The following SEMA4A variants were observed in gnomAD, a reference collection of about 807,000 sequenced individuals.
SEMA4A encodes the protein semaphorin 4A.
In SEMA4A, 52 loss-of-function variants were observed where a neutral mutation model predicts 72.5. The observed-to-expected ratio is 0.72, with a 90% CI of 0.57 to 0.90. The LOEUF is 0.90. Ranked by LOEUF, SEMA4A falls within the 40% of genes least tolerant of loss-of-function variation. The probability of loss-of-function intolerance (pLI) is 0.00; values close to 1 mark genes in which losing one functional copy is unlikely to be tolerated. For synonymous variants in SEMA4A, 369 were observed against 393.1 expected (o/e 0.94, Z 0.73); for missense variants, 926 against 959.7 (o/e 0.96, Z 0.46).
chr1:156,164,810 AT>A (rs1654007887), intron 10 of SEMA4A, among the ~76,000 whole-genome samples: 1 of 150,304 alleles, frequency 6.7e-6, no homozygotes. Context: ...TTTTATTTTT[AT>A]TTTTTTTGAA....
chr1:156,169,268 C>A (rs2102988575), intron 10 of SEMA4A, among the ~76,000 whole-genome samples: 1 of 151,364 alleles, frequency 6.6e-6, no homozygotes, highest in South Asian at 2.1e-4. Context: ...TGAGAAGATT[C>A]TTCTCTCTCT....
At chr1:156,161,143 A>C in intron 8 of SEMA4A, 114 bp downstream of exon 8, 1 of 906,250 alleles carries the variant, frequency 1.1e-6, no homozygotes, top group Non-Finnish European at 1.6e-6. Context: ...GGCGGGGAAC[A>C]AGCGGGCCTG....
rs151260330 is a variant in SEMA4A at position 156,172,906 on chromosome 1, G to A, written c.1215G>A (p.Thr405=). ...HFLMDEQVVG[T]PLLVKSGVEY... ...TGATGGATGAGCAAGTGGTGGGGAC[G>A]CCCCTGCTGGTGAAATCTGGCGTGG... The change falls in exon 11 of 15, where the codon ACG becomes ACA. Residue 405 remains threonine (T), a synonymous_variant. Transcript: ENST00000368285. 48 of 1,614,116 alleles carry A rather than the reference G, an allele frequency of 3.0e-5. No individual in the cohort carries two copies. In the South Asian group the frequency reaches 3.5e-4, roughly 12 times the overall value.
At chr1:156,158,646 C>A in intron 5 of SEMA4A, 73 bp from the exon 6 acceptor site, 1 of 1,390,036 alleles carries the variant, frequency 7.2e-7, no homozygotes, top group Non-Finnish European at 1.0e-6. Context: ...CCTTTCCCTT[C>A]CTTCCTCAAG....
chr1:156,172,096 GTTTATTTATTTA>G (rs71591932), intron 10 of SEMA4A, among the ~76,000 whole-genome samples: 66 of 71,864 alleles, frequency 9.2e-4, no homozygotes, highest in Middle Eastern at 6.7e-3. Context: ...TTGTTTGTTT[GTTTATTTATTTA>G]TTTATTTATT....
intron 9 of SEMA4A, among the ~76,000 whole-genome samples, 172 bp from the exon 10 acceptor site, chr1:156,162,772 A>C (rs911292918): frequency 6.6e-6 from 1 of 152,244 alleles, no homozygotes; most frequent in Non-Finnish European, 1.5e-5. Flanking sequence ...AGGGAATTCC[A>C]TGGGGCTCCC....
rs761114677 is a variant in SEMA4A at position 156,177,519 on chromosome 1, A to T, written c.*522A>T. On this transcript the variant is annotated 3_prime_UTR_variant, in exon 15 of 15. Coordinates refer to ENST00000368285, the MANE Select transcript of SEMA4A (RefSeq NM_022367.4). ...TTCCCTTACCAGTCGTGCACCGCTG[A>T]CTCCCAGGAAGTCTTTCCTGAAGTC... The T allele has an allele frequency of 8.4e-5, 16 of 190,956 alleles. No homozygotes were observed. The highest frequency in any genetic ancestry group is 2.1e-4 in the Admixed American group (4 of 18,652). 11.8% of individuals were successfully genotyped at this position (190,956 alleles called of 1,614,324 possible). A position where few individuals can be genotyped will look rare whatever the true frequency, so the allele number is the denominator to read the frequency against.
At position 156,156,483 on chromosome 1, in the gene SEMA4A, G is replaced by C. The variant is rs1402681247; in HGVS notation, c.209G>C (p.Ser70Thr). The C allele has an allele frequency of 6.2e-7, 1 of 1,614,182 alleles. No homozygotes were observed. Among genetic ancestry groups the C allele is most frequent in the Non-Finnish European group, 8.5e-7 (1 of 1,180,036 alleles). The stretch of plus-strand genomic sequence containing the variant: ...CAGGATTTTGACACTCTGCTCCTGA[G>C]TGGTGATGGAAATACTCTCTACGTG... ...GLQDFDTLLL[S>T]GDGNTLYVGA... The change falls in exon 3 of 15, where the codon AGT becomes ACT. Residue 70 changes from serine to threonine, a missense_variant. By Grantham distance (58) the Ser-to-Thr change is moderately conservative (BLOSUM62 1). Transcript: ENST00000368285.
chr1:156,150,499 C>T (rs1475314026), upstream of SEMA4A, among the ~76,000 whole-genome samples: 1 of 152,006 alleles, frequency 6.6e-6, no homozygotes, highest in Non-Finnish European at 1.5e-5. Context: ...GCAATGTTCC[C>T]CAGAACTGGA....
Position 156,174,285 on chromosome 1 carries a change from A to G in SEMA4A, c.1316-537A>G, listed in dbSNP as rs143745740. Among the ~76,000 whole-genome samples the G allele has an allele frequency of 4.6e-5, 7 of 152,298 alleles. No individual in the cohort carries two copies. The East Asian group carries it at 1.4e-3, about 29-fold the overall frequency. On this transcript the variant is annotated intron_variant, in intron 11 of 14. Transcript: ENST00000368285. Reference sequence around the variant, plus strand: ...TAGGCACTGTATCAGCTGTGCATGTATTGGGTATACAGCAGAGAACAAAAC... The same window carrying G: ...TAGGCACTGTATCAGCTGTGCATGTGTTGGGTATACAGCAGAGAACAAAAC...
At position 156,163,027 on chromosome 1, in the gene SEMA4A, A is replaced by C; in HGVS notation, c.1067A>C (p.Glu356Ala). The change falls in exon 10 of 15, where the codon GAG becomes GCG. Residue 356 changes from glutamate (E) to alanine (A), a missense_variant. Transcript: ENST00000368285. ...IERVFKGKYK[E>A]LNKETSRWTT... Reference sequence around the variant, plus strand: ...CGTGTCTTTAAGGGGAAATACAAAGAGTTGAACAAAGAAACTTCACGCTGG... The same window carrying C: ...CGTGTCTTTAAGGGGAAATACAAAGCGTTGAACAAAGAAACTTCACGCTGG... The C allele has an allele frequency of 6.2e-7, 1 of 1,614,194 alleles. No individual in the cohort carries two copies. The highest frequency in any genetic ancestry group is 1.3e-5 in the African/African-American group (1 of 75,042).
At chr1:156,161,581 T>TCGTGAG in intron 9 of SEMA4A, 63 bp downstream of exon 9, 1 of 1,581,984 alleles carries the variant, frequency 6.3e-7, no homozygotes, top group Middle Eastern at 1.9e-4. Context: ...AGGCCCCAGC[T>TCGTGAG]CGTGAGCGGA....
chr1:156,148,082 C>T (rs1169743857), upstream of SEMA4A, among the ~76,000 whole-genome samples: 4 of 152,212 alleles, frequency 2.6e-5, no homozygotes, highest in African/African-American at 9.6e-5. Context: ...TATAGGCTCC[C>T]CCATTCCCTT....
intron 11 of SEMA4A, among the ~76,000 whole-genome samples, chr1:156,173,697 A>C (rs1173158133): frequency 6.6e-6 from 1 of 152,148 alleles, no homozygotes; most frequent in Non-Finnish European, 1.5e-5. Context: ...GTAGGAAGCC[A>C]AGGGAGCTCT....
intron 9 of SEMA4A, among the ~76,000 whole-genome samples, chr1:156,162,446 G>A (rs1169576866): frequency 6.6e-6 from 1 of 152,192 alleles, no homozygotes; most frequent in East Asian, 1.9e-4. Context: ...AGAGCCTGGT[G>A]TATACAGTAG....
At chr1:156,158,208 A>G in intron 4 of SEMA4A, 76 bp downstream of exon 4, 1 of 1,536,478 alleles carries the variant, frequency 6.5e-7, no homozygotes, top group Non-Finnish European at 9.0e-7. Flanking sequence ...GGATGACCTC[A>G]GGTTGGGCGG....
intron 10 of SEMA4A, among the ~76,000 whole-genome samples, chr1:156,163,854 T>C (rs1048785342): frequency 1.3e-5 from 2 of 151,068 alleles, no homozygotes; most frequent in African/African-American, 4.9e-5. Flanking sequence ...CTGGGCAACA[T>C]TGTAAGACTC....
intron 11 of SEMA4A, 40 bp from the exon 12 acceptor site, chr1:156,174,782 A>G (rs1655139314): frequency 6.2e-7 from 1 of 1,613,860 alleles, no homozygotes; most frequent in Admixed American, 1.7e-5. Flanking sequence ...GGATCTGTGG[A>G]TGAGATGAGA....
Position 156,177,130 on chromosome 1 carries a change from TG to T in SEMA4A, c.*134del. The T allele has an allele frequency of 1.3e-6, 1 of 797,112 alleles. No individual in the cohort carries two copies. Among genetic ancestry groups the T allele is most frequent in the East Asian group, 2.6e-5 (1 of 37,778 alleles). 49.4% of individuals were successfully genotyped at this position (797,112 alleles called of 1,614,324 possible). On this transcript the variant is annotated 3_prime_UTR_variant, in exon 15 of 15. Transcript: ENST00000368285. ...CCCCTGAGAGGAGCTTCTGCTACTCTGCATCACTGATGACACTCAGCAGGGT... is the reference window on the plus strand; with the variant it reads ...CCCCTGAGAGGAGCTTCTGCTACTCTCATCACTGATGACACTCAGCAGGGT...
Sources: allele counts gnomAD v4.1 joint callset (sites outside exome capture counted in the v4.1 genomes callset), GRCh38; gene constraint gnomAD v4.1.1; transcripts MANE v1.5; gene names NCBI Gene and HGNC (gene_info 2026-07-23, HGNC 2026-07-21).